Variants in PCDH9 observed in about 807,000 individuals in gnomAD.
PCDH9 encodes protocadherin 9.
In PCDH9, 24 loss-of-function variants were observed where a neutral mutation model predicts 70.6. The ratio of observed to expected loss-of-function variants is 0.34; its 90% CI spans 0.25 to 0.48. PCDH9 has a LOEUF of 0.48. Among genes scored for constraint, PCDH9 ranks in the 20% least tolerant of loss-of-function variants. PCDH9 has a pLI of 0.99. For missense variants in PCDH9, 1,281 were observed against 1,503.6 expected, an observed-to-expected ratio of 0.85 and a Z score of 2.45; for synonymous variants, 562 against 558.5, an observed-to-expected ratio of 1.01 and a Z score of -0.09.
chr13:67,074,119 T>G (rs2085828744), intron 2 of PCDH9, among the ~76,000 whole-genome samples: 1 of 151,920 alleles, frequency 6.6e-6, no homozygotes, highest in Non-Finnish European at 1.5e-5. Context: ...TCTATCTATC[T>G]ATCTGTCTAT....
In PCDH9 at chr13:66,958,892, A is replaced by G. The variant is rs146046354; in HGVS notation, c.3037-55287T>C. Among the ~76,000 whole-genome samples the G allele has an allele frequency of 7.4e-4, 112 of 152,326 alleles. 2 individuals carry two copies. Among genetic ancestry groups the G allele is most frequent in the African/African-American group, 2.5e-3 (104 of 41,576 alleles). On this transcript the variant is annotated intron_variant, in intron 2 of 4. Coordinates refer to ENST00000377865, the MANE Select transcript of PCDH9 (RefSeq NM_203487.3). ...TTATACTTAGACGTTTTTCTCAGAAATGAAACTATTTAAATTTCCCATCTT... is the reference window on the plus strand; with the variant it reads ...TTATACTTAGACGTTTTTCTCAGAAGTGAAACTATTTAAATTTCCCATCTT...
intron 2 of PCDH9, among the ~76,000 whole-genome samples, chr13:66,916,526 G>A (rs1290584646): frequency 6.6e-6 from 1 of 151,480 alleles, no homozygotes; most frequent in Admixed American, 6.6e-5. Flanking sequence ...TATTCTAAAA[G>A]ATCAGCTAAA....
chr13:66,781,264 A>G (rs533568800), intron 3 of PCDH9, among the ~76,000 whole-genome samples: 1 of 152,316 alleles, frequency 6.6e-6, no homozygotes, highest in Non-Finnish European at 1.5e-5. Context: ...TATTAGCTGA[A>G]TGCGTGTAAG....
intron 4 of PCDH9, among the ~76,000 whole-genome samples, chr13:66,391,147 C>T (rs1389711586): frequency 1.3e-5 from 2 of 152,036 alleles, no homozygotes; most frequent in Non-Finnish European, 2.9e-5. Flanking sequence ...TAGTCTAATG[C>T]TGTAATATAA....
intron 3 of PCDH9, among the ~76,000 whole-genome samples, chr13:66,756,151 G>A (rs547226642): frequency 9.9e-5 from 15 of 152,242 alleles, no homozygotes; most frequent in Non-Finnish European, 1.9e-4. Flanking sequence ...AGTACCTATT[G>A]TGAGCAAAGC....
At chr13:66,631,909 T>C (rs1295744910) in intron 3 of PCDH9, among the ~76,000 whole-genome samples, 1 of 152,208 alleles carries the variant, frequency 6.6e-6, no homozygotes, top group Non-Finnish European at 1.5e-5. Flanking sequence ...GTTTGTTTGT[T>C]TGAGACAAAG....
At chr13:66,760,913 G>A (rs1001005398) in intron 3 of PCDH9, among the ~76,000 whole-genome samples, 1 of 152,088 alleles carries the variant, frequency 6.6e-6, no homozygotes, top group Non-Finnish European at 1.5e-5. Flanking sequence ...AGGCTTGCTA[G>A]GATTGGAAAA....
At chr13:67,040,936 A>G (rs137962692) in intron 2 of PCDH9, among the ~76,000 whole-genome samples, 143 of 152,318 alleles carry the variant, frequency 9.4e-4, no homozygotes, top group Non-Finnish European at 1.7e-3. Flanking sequence ...GAAGTCACAG[A>G]TGCCAGGAAG....
chr13:66,961,155 A>G (rs1156367658), intron 2 of PCDH9, among the ~76,000 whole-genome samples: 1 of 152,240 alleles, frequency 6.6e-6, no homozygotes. Context: ...AACAAACACT[A>G]TAATTCTATT....
At chr13:67,172,865 G>A (rs866257984) in intron 2 of PCDH9, among the ~76,000 whole-genome samples, 6 of 106,568 alleles carry the variant, frequency 5.6e-5, no homozygotes, top group South Asian at 6.9e-4. Flanking sequence ...GAGACAGAGC[G>A]AGACTCCATC....
chr13:67,034,764 A>T (rs181147029), intron 2 of PCDH9, among the ~76,000 whole-genome samples: 3 of 151,366 alleles, frequency 2.0e-5, no homozygotes, highest in Non-Finnish European at 4.4e-5. Context: ...TGGTGTACAC[A>T]TTATTTCATC....
At chr13:66,973,810 T>C (rs1450667733) in intron 2 of PCDH9, among the ~76,000 whole-genome samples, 1 of 152,026 alleles carries the variant, frequency 6.6e-6, no homozygotes, top group African/African-American at 2.4e-5. Flanking sequence ...GTGTCTGACC[T>C]AAAACTTATT....
chr13:66,417,555 C>T (rs1256462411), intron 4 of PCDH9, among the ~76,000 whole-genome samples: 1 of 152,102 alleles, frequency 6.6e-6, no homozygotes, highest in Non-Finnish European at 1.5e-5. Flanking sequence ...AATGGTATTT[C>T]TGGTTGTAGA....
chr13:66,910,110 T>C (rs2082435231), intron 2 of PCDH9, among the ~76,000 whole-genome samples: 1 of 152,166 alleles, frequency 6.6e-6, no homozygotes, highest in Admixed American at 6.5e-5. Flanking sequence ...GTCTCAAAGG[T>C]AGGAAAAGTC....
At chr13:67,099,187 G>C (rs939932653) in intron 2 of PCDH9, among the ~76,000 whole-genome samples, 3 of 152,178 alleles carry the variant, frequency 2.0e-5, no homozygotes. Flanking sequence ...CTTTCTGAAT[G>C]TTATCTTGAT....
At position 66,524,758 on chromosome 13, in the gene PCDH9, C is replaced by G. The variant is rs116396204; in HGVS notation, c.3340+106452G>C. On this transcript the variant is annotated intron_variant, in intron 4 of 4. Transcript: ENST00000377865. ...AGTTATATTAGCTTTCTAGCAAAGC[C>G]AACACAAGCCAATATGTTGCCGTTT... Among the ~76,000 whole-genome samples, 516 of 152,006 alleles carry G rather than the reference C, an allele frequency of 3.4e-3. 2 individuals are homozygous for G. Among genetic ancestry groups the G allele is most frequent in the African/African-American group, 0.011 (475 of 41,512 alleles).
At chr13:66,555,673 T>C (rs1471061811) in intron 4 of PCDH9, among the ~76,000 whole-genome samples, 1 of 151,822 alleles carries the variant, frequency 6.6e-6, no homozygotes, top group Admixed American at 6.6e-5. Context: ...GCCTCTATTA[T>C]CTAAGACAAT....
chr13:67,010,978 T>C (rs1228170647), intron 2 of PCDH9, among the ~76,000 whole-genome samples: 1 of 151,948 alleles, frequency 6.6e-6, no homozygotes, highest in Non-Finnish European at 1.5e-5. Flanking sequence ...TTCATATGAC[T>C]TAAAAGTGAG....
At chr13:67,205,084 ACAAATTGATGCCTATCTTTGCATATGC>A (rs1161099716) in intron 2 of PCDH9, 1 of 152,162 alleles carries the variant, frequency 6.6e-6, no homozygotes, top group Non-Finnish European at 1.5e-5. Context: ...TATCCTCACC[ACAAATTGATGCCTATCTTTGCATATGC>A]CATGAGCTAA....
Sources: gnomAD v4.1 joint callset for allele counts (sites outside exome capture counted in the v4.1 genomes callset) on GRCh38, gnomAD v4.1.1 for gene constraint, MANE v1.5 for transcripts, NCBI Gene and HGNC (gene_info 2026-07-23, HGNC 2026-07-21) for gene names.